Variants in FLT1 observed in about 807,000 individuals in gnomAD.
FLT1 encodes the protein fms related receptor tyrosine kinase 1, also known as vascular endothelial growth factor receptor 1.
FLT1 carries 49 observed loss-of-function variants against 156.3 expected under a neutral mutation model. The ratio of observed to expected loss-of-function variants is 0.31; its 90% confidence interval spans 0.25 to 0.40. FLT1 has a LOEUF of 0.40. FLT1 is among the 10% of genes least tolerant of loss of function. FLT1 has a pLI of 1.00. For missense variants in FLT1, 1,322 were observed against 1,637.2 expected, an observed-to-expected ratio of 0.81 and a Z score of 3.32; for synonymous variants, 594 against 583.8, an observed-to-expected ratio of 1.02 and a Z score of -0.25.
intron 1 of FLT1, among the ~76,000 whole-genome samples, chr13:28,491,863 G>T (rs778569425): frequency 6.6e-6 from 1 of 152,194 alleles, no homozygotes; most frequent in South Asian, 2.1e-4. Context: ...TACCCACTTG[G>T]TGATCGTTAG....
intron 14 of FLT1, among the ~76,000 whole-genome samples, chr13:28,367,003 T>C (rs1873324752): frequency 6.6e-6 from 1 of 152,154 alleles, no homozygotes; most frequent in Non-Finnish European, 1.5e-5. Context: ...AATGACCACA[T>C]AAATGAAGAC....
At chr13:28,319,890 T>C (rs941570425) in intron 23 of FLT1, among the ~76,000 whole-genome samples, 17 of 152,198 alleles carry the variant, frequency 1.1e-4, no homozygotes, top group African/African-American at 3.1e-4. Flanking sequence ...AATTTGAAGA[T>C]ATCCTGAAAA....
chr13:28,435,499 G>A (rs1877973026), intron 4 of FLT1, among the ~76,000 whole-genome samples: 3 of 152,088 alleles, frequency 2.0e-5, no homozygotes, highest in Admixed American at 2.0e-4. Context: ...GTTGAAAAAG[G>A]GGGAAAAAAA....
intron 1 of FLT1, among the ~76,000 whole-genome samples, chr13:28,487,678 A>T (rs1272513269): frequency 6.6e-6 from 1 of 152,190 alleles, no homozygotes; most frequent in Admixed American, 6.5e-5. Flanking sequence ...CGGCAGCGGC[A>T]CAATGCAGCG....
chr13:28,429,857 C>T (rs1353386436), intron 8 of FLT1, among the ~76,000 whole-genome samples, 193 bp downstream of exon 8: 1 of 152,196 alleles, frequency 6.6e-6, no homozygotes, highest in Non-Finnish European at 1.5e-5. Flanking sequence ...CTCTCGCTTA[C>T]CTTGCTACAT....
intron 4 of FLT1, 29 bp from the exon 5 acceptor site, chr13:28,434,249 G>A (rs1461431493): frequency 6.2e-7 from 1 of 1,608,720 alleles, no homozygotes; most frequent in Non-Finnish European, 8.5e-7. Context: ...GCATTAACAA[G>A]GTCCTATTAG....
Position 28,302,198 on chromosome 13 carries a change from A to G in FLT1, c.*969T>C, listed in dbSNP as rs372620510. 10 of 233,282 alleles carry G rather than the reference A, an allele frequency of 4.3e-5. No homozygotes were observed. In the East Asian group the frequency reaches 4.8e-4, roughly 11 times the overall value. 14.5% of individuals were successfully genotyped at this position (233,282 alleles called of 1,614,324 possible). On this transcript the variant is annotated 3_prime_UTR_variant, in exon 30 of 30. Transcript: ENST00000282397. ...TTTCTTTCACAACTAACTGTGCAAA[A>G]CAGAATAATACCAAGAAATTGAGTT... is the stretch of plus-strand genomic sequence containing the variant.
At chr13:28,337,039 C>T (rs907195561) in intron 17 of FLT1, among the ~76,000 whole-genome samples, 52 of 152,178 alleles carry the variant, frequency 3.4e-4, no homozygotes, top group Non-Finnish European at 1.3e-4. Flanking sequence ...TGAGCCACCA[C>T]ACCCAGCCTA....
chr13:28,387,011 T>TA (rs1355673113), intron 13 of FLT1: 2 of 1,038,990 alleles, frequency 1.9e-6, no homozygotes, highest in Non-Finnish European at 2.3e-6. Flanking sequence ...AGCTACAAAG[T>TA]ATAGCATCAT....
At chr13:28,386,585 A>T (rs1392057645) in intron 13 of FLT1, 6 of 1,055,700 alleles carry the variant, frequency 5.7e-6, no homozygotes, top group Non-Finnish European at 6.9e-6. Flanking sequence ...TATCTTGCCC[A>T]CTAAGCAGAA....
intron 10 of FLT1, among the ~76,000 whole-genome samples, chr13:28,426,823 G>A (rs1176459086): frequency 6.6e-6 from 1 of 152,164 alleles, no homozygotes; most frequent in African/African-American, 2.4e-5. Context: ...TGACATAGTG[G>A]TATTGCCAAA....
At chr13:28,460,798 A>ACG (rs66649717) in intron 3 of FLT1, among the ~76,000 whole-genome samples, 1,412 of 61,814 alleles carry the variant, frequency 0.023, 53 homozygotes, top group Admixed American at 0.14. Flanking sequence ...CAGACCCATT[A>ACG]CACACACACA....
chr13:28,329,723 C>T lies in FLT1; in HGVS notation c.2599G>A (p.Ala867Thr). The change falls in exon 19 of 30, where the codon GCC becomes ACC. Residue 867 changes from alanine to threonine, a missense_variant. Coordinates refer to ENST00000282397, the MANE Select transcript of FLT1 (RefSeq NM_002019.4). The part of the protein sequence containing the change: ...TVAVKMLKEG[A>T]TASEYKALMT... ...AGAGCTTTGTACTCGCTGGCCGTGGCCCCCTCTGTGTGAGAAGCAAGGAAG... is the reference window on the plus strand; with the variant it reads ...AGAGCTTTGTACTCGCTGGCCGTGGTCCCCTCTGTGTGAGAAGCAAGGAAG... 6.2e-7 allele frequency: 1 copy of T among 1,613,442 alleles called. No individual in the cohort carries two copies. The highest frequency in any genetic ancestry group is 8.5e-7 in the Non-Finnish European group (1 of 1,179,486).
At chr13:28,461,903 C>A (rs1270959367) in intron 3 of FLT1, among the ~76,000 whole-genome samples, 1 of 152,126 alleles carries the variant, frequency 6.6e-6, no homozygotes, top group African/African-American at 2.4e-5. Flanking sequence ...GGAAAAATTT[C>A]TTATAAAAAT....
chr13:28,334,700 G>A (rs976954218), intron 17 of FLT1, among the ~76,000 whole-genome samples: 1 of 152,122 alleles, frequency 6.6e-6, no homozygotes, highest in Non-Finnish European at 1.5e-5. Flanking sequence ...ACAAATCCTC[G>A]TGGTTCAGCA....
At chr13:28,357,002 GA>G (rs1475418805) in intron 15 of FLT1, among the ~76,000 whole-genome samples, 1 of 152,166 alleles carries the variant, frequency 6.6e-6, no homozygotes, top group African/African-American at 2.4e-5. Context: ...GAAGCACTTG[GA>G]ATATTTTTCT....
At chr13:28,471,955 A>G (rs1292920877) in intron 1 of FLT1, among the ~76,000 whole-genome samples, 1 of 152,234 alleles carries the variant, frequency 6.6e-6, no homozygotes, top group African/African-American at 2.4e-5. Flanking sequence ...CTACTTTGTT[A>G]GAAAAACTGT....
chr13:28,472,435 TA>T, intron 1 of FLT1, among the ~76,000 whole-genome samples: 2 of 152,342 alleles, frequency 1.3e-5, no homozygotes, highest in South Asian at 4.1e-4. Flanking sequence ...AGGTCACTTG[TA>T]AAACTCAAGA....
chr13:28,378,602 C>T (rs1873946260), intron 14 of FLT1, among the ~76,000 whole-genome samples: 1 of 152,054 alleles, frequency 6.6e-6, no homozygotes, highest in South Asian at 2.1e-4. Flanking sequence ...GTTATTTTTC[C>T]TCTCTATGTC....
Sources: gnomAD v4.1 joint callset for allele counts (sites outside exome capture counted in the v4.1 genomes callset) on GRCh38, gnomAD v4.1.1 for gene constraint, MANE v1.5 for transcripts, NCBI Gene and HGNC (gene_info 2026-07-23, HGNC 2026-07-21) for gene names.